Variants in ITGB3BP observed in about 807,000 individuals in gnomAD.
ITGB3BP encodes centromere protein R.
In ITGB3BP, 27 loss-of-function variants were observed where a neutral mutation model predicts 29.1. The observed-to-expected ratio is 0.93, with a 90% confidence interval of 0.68 to 1.28. ITGB3BP has a LOEUF of 1.28. Among genes scored for constraint, ITGB3BP ranks in the 50% most tolerant of loss-of-function variants. ITGB3BP has a pLI of 0.00. For synonymous variants in ITGB3BP, 61 were observed against 61.4 expected (o/e 0.99, Z 0.03); for missense variants, 192 against 200.2 (o/e 0.96, Z 0.25).
Position 63,448,897 on chromosome 1 carries a change from T to C in ITGB3BP, c.485-2041A>G, listed in dbSNP as rs546141604. Among the ~76,000 whole-genome samples the C allele has an allele frequency of 2.6e-4, 40 of 152,294 alleles. 1 individual carries two copies. The South Asian group carries it at 8.1e-3, about 31-fold the overall frequency. ...CACCGTTTGCTCATTTAAAAATTCA[T>C]AGTATGTGAGATATGTCTCTGGGGA... On this transcript the variant is annotated intron_variant, in intron 7 of 8. Coordinates refer to ENST00000271002, the MANE Select transcript of ITGB3BP (RefSeq NM_014288.5).
chr1:63,515,825 TAAA>T (rs76881362), intron 1 of ITGB3BP, among the ~76,000 whole-genome samples: 20,364 of 47,732 alleles, frequency 0.43, 1,827 homozygotes, highest in Admixed American at 0.49. Context: ...GACTCCAACT[TAAA>T]AAAAAAAAAA....
At chr1:63,523,613 CTTGT>C (rs1450107551), upstream of ITGB3BP, 1 of 187,178 alleles carries the variant, frequency 5.3e-6, no homozygotes, top group African/African-American at 2.4e-5. Flanking sequence ...GCTGCGCTTC[CTTGT>C]TTGTGAGCTA....
intron 2 of ITGB3BP, among the ~76,000 whole-genome samples, chr1:63,503,681 AT>A (rs541264225): frequency 2.0e-3 from 311 of 152,256 alleles, no homozygotes; most frequent in African/African-American, 7.2e-3. Context: ...TCTTGAATTA[AT>A]TTTTTTATAA....
At chr1:63,446,256 T>C (rs768927223) in intron 8 of ITGB3BP, among the ~76,000 whole-genome samples, 11 of 152,242 alleles carry the variant, frequency 7.2e-5, no homozygotes, top group Non-Finnish European at 1.2e-4. Flanking sequence ...TAATATATCA[T>C]GACTCATATT....
At chr1:63,441,750 G>A (rs1437891886) in intron 8 of ITGB3BP, among the ~76,000 whole-genome samples, 1 of 152,054 alleles carries the variant, frequency 6.6e-6, no homozygotes, top group Non-Finnish European at 1.5e-5. Flanking sequence ...GCTGCCCCCC[G>A]CCCAAAAGAC....
rs180981363 is a variant in ITGB3BP, at chr1:63,502,928, C to G, written c.48+5600G>C. 4.2e-3 allele frequency among the ~76,000 whole-genome samples: 634 copies of G among 152,116 alleles called. 1 individual carries two copies. The highest frequency in any genetic ancestry group is 6.4e-3 in the Admixed American group (97 of 15,268). ...CAGTCTATCGTTGTTGGACATTTGGCTTGGTTCCAAGTCTTTGCTATTGTG... is the reference window on the plus strand; with the variant it reads ...CAGTCTATCGTTGTTGGACATTTGGGTTGGTTCCAAGTCTTTGCTATTGTG... On this transcript the variant is annotated intron_variant, in intron 2 of 8. Coordinates refer to ENST00000271002, the MANE Select transcript of ITGB3BP (RefSeq NM_014288.5).
chr1:63,450,529 G>A (rs1397968855), intron 7 of ITGB3BP, among the ~76,000 whole-genome samples: 1 of 151,902 alleles, frequency 6.6e-6, no homozygotes, highest in Non-Finnish European at 1.5e-5. Context: ...GGTTGATTAT[G>A]TAAAGTAAAT....
At chr1:63,513,090 T>C (rs974857582) in intron 1 of ITGB3BP, among the ~76,000 whole-genome samples, 4 of 152,206 alleles carry the variant, frequency 2.6e-5, no homozygotes, top group African/African-American at 9.7e-5. Context: ...CACTTGATCT[T>C]GATGTATTGT....
chr1:63,527,566 C>A (rs181284880), upstream of ITGB3BP, among the ~76,000 whole-genome samples: 1 of 152,072 alleles, frequency 6.6e-6, no homozygotes, highest in Non-Finnish European at 1.5e-5. Flanking sequence ...TAAACCCTGG[C>A]AAAAGATCCA....
At chr1:63,503,943 G>T (rs1258029035) in intron 2 of ITGB3BP, among the ~76,000 whole-genome samples, 16 of 152,002 alleles carry the variant, frequency 1.1e-4, no homozygotes, top group Admixed American at 2.0e-4. Context: ...AAGTCAGGTA[G>T]CGTGATGCCT....
chr1:63,476,912 A>C (rs1645350071), intron 4 of ITGB3BP, among the ~76,000 whole-genome samples: 1 of 152,252 alleles, frequency 6.6e-6, no homozygotes, highest in African/African-American at 2.4e-5. Flanking sequence ...TCCTATGTTA[A>C]AAAACATTAA....
intron 3 of ITGB3BP, among the ~76,000 whole-genome samples, chr1:63,486,504 GAA>G (rs1202056184): frequency 6.6e-6 from 1 of 151,822 alleles, no homozygotes; most frequent in Admixed American, 6.6e-5. Flanking sequence ...TAAAGCTAGA[GAA>G]AAAAGTTATT....
intron 3 of ITGB3BP, among the ~76,000 whole-genome samples, chr1:63,489,243 T>G (rs774962000): frequency 2.6e-5 from 4 of 151,946 alleles, no homozygotes; most frequent in Non-Finnish European, 5.9e-5. Context: ...AAATGAGACT[T>G]CTTTTTTCTG....
intron 3 of ITGB3BP, among the ~76,000 whole-genome samples, chr1:63,482,379 A>G (rs1645453795): frequency 6.6e-6 from 1 of 151,896 alleles, no homozygotes; most frequent in South Asian, 2.1e-4. Context: ...TACTATAGGC[A>G]ATCATTTTGG....
In ITGB3BP at chr1:63,490,158, C is replaced by T. The variant is rs1216390580; in HGVS notation, c.109G>A (p.Gly37Arg). The part of the protein sequence containing the change: ...KSVITYSPTT[G>R]TCQMSLFASP... ...GCAAATAGACTCATTTGACAAGTTCCAGTTGTTGGAGAATAAGTTATAACA... is the reference window on the plus strand; with the variant it reads ...GCAAATAGACTCATTTGACAAGTTCTAGTTGTTGGAGAATAAGTTATAACA... Residue 37 changes from glycine to arginine, a missense_variant, in exon 3 of 9, where the codon GGA becomes AGA. Physicochemically the swap from Gly to Arg is moderately radical, Grantham distance 125. Coordinates refer to ENST00000271002, the MANE Select transcript of ITGB3BP (RefSeq NM_014288.5). The T allele has an allele frequency of 1.6e-5, 25 of 1,601,902 alleles. No individual in the cohort carries two copies. Among genetic ancestry groups the T allele is most frequent in the Non-Finnish European group, 2.1e-5 (25 of 1,169,840 alleles).
chr1:63,482,894 T>A (rs939535723), intron 3 of ITGB3BP, among the ~76,000 whole-genome samples: 55 of 152,172 alleles, frequency 3.6e-4, no homozygotes, highest in African/African-American at 1.3e-3. Flanking sequence ...CCTCAGGTGA[T>A]CTGCCCGCCT....
intron 4 of ITGB3BP, among the ~76,000 whole-genome samples, chr1:63,466,637 T>C (rs553071055): frequency 1.3e-5 from 2 of 152,300 alleles, no homozygotes; most frequent in African/African-American, 2.4e-5. Flanking sequence ...CCTAATAAGA[T>C]AAAACAAAGG....
At chr1:63,475,413 C>T (rs1452076558) in intron 4 of ITGB3BP, among the ~76,000 whole-genome samples, 1 of 152,082 alleles carries the variant, frequency 6.6e-6, no homozygotes, top group Non-Finnish European at 1.5e-5. Flanking sequence ...AAGAATTAGC[C>T]AGGGGTAGTA....
chr1:63,470,972 G>A (rs1344768732), intron 4 of ITGB3BP, among the ~76,000 whole-genome samples: 1 of 152,140 alleles, frequency 6.6e-6, no homozygotes, highest in Admixed American at 6.5e-5. Flanking sequence ...AGGATGTAGT[G>A]GTGCTTCATG....
Sources: allele counts gnomAD v4.1 joint callset (sites outside exome capture counted in the v4.1 genomes callset), GRCh38; gene constraint gnomAD v4.1.1; transcripts MANE v1.5; gene names NCBI Gene and HGNC (gene_info 2026-07-23, HGNC 2026-07-21).